The following SORCS1 variants were observed in gnomAD, a reference collection of about 807,000 sequenced individuals.
SORCS1 encodes the protein sortilin related VPS10 domain containing receptor 1, also known as VPS10 domain-containing receptor SorCS1.
SORCS1 carries 60 observed loss-of-function variants against 146.1 expected under a neutral mutation model. The observed-to-expected ratio is 0.41, with a 90% CI of 0.33 to 0.51. The LOEUF is 0.51. Ranked by LOEUF, SORCS1 falls within the 20% of genes least tolerant of loss-of-function variation. The pLI is 0.21. For synonymous variants in SORCS1, 637 were observed against 584.0 expected (o/e 1.09, Z -1.31); for missense variants, 1,352 against 1,487.6 (o/e 0.91, Z 1.50).
chr10:107,115,625 G>T (rs940857101), intron 1 of SORCS1, among the ~76,000 whole-genome samples: 5 of 151,962 alleles, frequency 3.3e-5, no homozygotes, highest in Non-Finnish European at 7.4e-5. Context: ...TTCAATGTAA[G>T]ATCTGAAACC....
chr10:106,878,620 G>GTGTGTATATATATATATATATATATA (rs904386657), intron 2 of SORCS1, among the ~76,000 whole-genome samples: 3 of 84,924 alleles, frequency 3.5e-5, no homozygotes, highest in African/African-American at 1.4e-4. Flanking sequence ...AAACTACCTA[G>GTGTGTATATATATATATATATATATA]TATATATATA....
chr10:106,649,917 A>G (rs1430328373), intron 18 of SORCS1, among the ~76,000 whole-genome samples: 1 of 152,094 alleles, frequency 6.6e-6, no homozygotes, highest in Non-Finnish European at 1.5e-5. Context: ...CAGTTATTAT[A>G]TCTTTATTTT....
At chr10:106,760,710 AACACAC>A (rs58948425) in intron 5 of SORCS1, among the ~76,000 whole-genome samples, 30,965 of 148,510 alleles carry the variant, frequency 0.21, 3,780 homozygotes, top group East Asian at 0.47. Context: ...CACACACACT[AACACAC>A]ACACACACAC....
intron 2 of SORCS1, among the ~76,000 whole-genome samples, chr10:106,872,798 T>C (rs111848509): frequency 2.0e-5 from 3 of 152,138 alleles, no homozygotes; most frequent in African/African-American, 7.2e-5. Flanking sequence ...AATCTATTTA[T>C]CTTAAATCTC....
At chr10:106,679,397 G>A in intron 11 of SORCS1, 65 bp from the exon 12 acceptor site, 2 of 1,318,588 alleles carry the variant, frequency 1.5e-6, no homozygotes, top group Admixed American at 1.8e-5. Context: ...GACTATATTG[G>A]CAGGTGCACT....
intron 5 of SORCS1, among the ~76,000 whole-genome samples, chr10:106,737,057 G>GTGAGTGTGCGTT (rs1432178880): frequency 1.5e-4 from 23 of 151,912 alleles, no homozygotes; most frequent in Non-Finnish European, 2.8e-4. Context: ...GTGTGTGCAT[G>GTGAGTGTGCGTT]TGAGTGTGTG....
chr10:106,650,006 A>T (rs1407283), intron 18 of SORCS1, among the ~76,000 whole-genome samples: 10,762 of 152,240 alleles, frequency 0.071, 455 homozygotes, highest in East Asian at 0.21. Context: ...TCATGAACAT[A>T]ATAATCATTG....
intron 1 of SORCS1, among the ~76,000 whole-genome samples, chr10:107,100,087 A>G (rs1465164276): frequency 6.6e-6 from 1 of 152,258 alleles, no homozygotes; most frequent in African/African-American, 2.4e-5. Context: ...ACTACAGGAA[A>G]GTTTCCTTCC....
intron 17 of SORCS1, among the ~76,000 whole-genome samples, chr10:106,663,095 C>A (rs904691087): frequency 6.6e-6 from 1 of 152,102 alleles, no homozygotes; most frequent in Non-Finnish European, 1.5e-5. Context: ...ATATTAACTG[C>A]AGCATTATTT....
At chr10:106,856,878 CT>C (rs1235553349) in intron 2 of SORCS1, among the ~76,000 whole-genome samples, 2 of 152,326 alleles carry the variant, frequency 1.3e-5, no homozygotes, top group East Asian at 3.9e-4. Flanking sequence ...GACTGTTGGT[CT>C]TTCCAATTCG....
intron 2 of SORCS1, among the ~76,000 whole-genome samples, chr10:106,913,357 G>A (rs1490846129): frequency 6.6e-6 from 1 of 152,144 alleles, no homozygotes; most frequent in Non-Finnish European, 1.5e-5. Context: ...GAGAAGAAAG[G>A]TGCTGCTGGA....
At chr10:106,703,790 G>A (rs1460789692) in intron 8 of SORCS1, among the ~76,000 whole-genome samples, 1 of 152,126 alleles carries the variant, frequency 6.6e-6, no homozygotes, top group East Asian at 1.9e-4. Context: ...CCAAGCTGGG[G>A]TTTCTTTTTG....
chr10:106,861,674 G>A (rs1367802093), intron 2 of SORCS1, among the ~76,000 whole-genome samples: 1 of 151,582 alleles, frequency 6.6e-6, no homozygotes, highest in Admixed American at 6.6e-5. Flanking sequence ...GGTGGATCAC[G>A]AGGTCAAGAG....
rs1469433012 is a variant in SORCS1, at chr10:107,154,685, T to C, written c.558+9284A>G. Among the ~76,000 whole-genome samples, 2 of 152,146 alleles carry C rather than the reference T, an allele frequency of 1.3e-5. 1 individual carries two copies. The highest frequency in any genetic ancestry group is 4.8e-5 in the African/African-American group (2 of 41,434). The stretch of plus-strand genomic sequence containing the variant: ...TAGAACTGGACCGAGAGAACCTAAA[T>C]GCAGAAACAGAAACAACATCATGAA... On this transcript the variant is annotated intron_variant, in intron 1 of 25. Transcript: ENST00000263054.
intron 9 of SORCS1, among the ~76,000 whole-genome samples, chr10:106,688,662 G>A (rs1853058144): frequency 6.6e-6 from 1 of 152,188 alleles, no homozygotes; most frequent in African/African-American, 2.4e-5. Flanking sequence ...TGCTTGGTAA[G>A]TAATAATAAA....
At chr10:106,857,444 C>T (rs192422634) in intron 2 of SORCS1, among the ~76,000 whole-genome samples, 2 of 152,310 alleles carry the variant, frequency 1.3e-5, no homozygotes, top group East Asian at 3.9e-4. Flanking sequence ...GTCCTGAAAG[C>T]GGAACAGTGT....
the SORCS1 span, among the ~76,000 whole-genome samples, chr10:107,171,814 C>T: frequency 6.6e-6 from 1 of 152,128 alleles, no homozygotes; most frequent in Non-Finnish European, 1.5e-5. Flanking sequence ...TCCCTTAATA[C>T]ATCCCTTATT....
At chr10:106,867,530 G>A (rs192334307) in intron 2 of SORCS1, among the ~76,000 whole-genome samples, 4 of 152,140 alleles carry the variant, frequency 2.6e-5, no homozygotes, top group East Asian at 3.9e-4. Context: ...TGATCCGCCC[G>A]CCTTGGCCTC....
At chr10:106,977,964 G>A (rs1956102271) in intron 1 of SORCS1, among the ~76,000 whole-genome samples, 1 of 152,108 alleles carries the variant, frequency 6.6e-6, no homozygotes, top group South Asian at 2.1e-4. Flanking sequence ...TTTTTTTTGA[G>A]ATGGAGTTTT....
Sources: gnomAD v4.1 joint callset for allele counts (sites outside exome capture counted in the v4.1 genomes callset) on GRCh38, gnomAD v4.1.1 for gene constraint, MANE v1.5 for transcripts, NCBI Gene and HGNC (gene_info 2026-07-23, HGNC 2026-07-21) for gene names.